Variants in SEC23B observed in about 807,000 individuals in gnomAD.
SEC23B encodes the protein SEC23 homolog B, COPII component, also known as protein transport protein Sec23B.
In SEC23B, 77 loss-of-function variants were observed where a neutral mutation model predicts 104.3. The observed-to-expected ratio is 0.74, with a 90% CI of 0.61 to 0.89. The LOEUF is 0.89. Among genes scored for constraint, SEC23B ranks in the 40% least tolerant of loss-of-function variants. The pLI is 0.00. For missense variants in SEC23B, 885 were observed against 949.4 expected (o/e 0.93, Z 0.89); for synonymous variants, 338 against 332.5 (o/e 1.02, Z -0.18).
chr20:18,535,979 A>C (rs1312809611), intron 12 of SEC23B, among the ~76,000 whole-genome samples: 1 of 152,238 alleles, frequency 6.6e-6, no homozygotes, highest in African/African-American at 2.4e-5. Context: ...TTAGAAGTGT[A>C]ATAGATTTTA....
At chr20:18,525,691 A>G in intron 6 of SEC23B, 97 bp from the exon 7 acceptor site, 1 of 1,319,162 alleles carries the variant, frequency 7.6e-7, no homozygotes, top group Non-Finnish European at 1.1e-6. Flanking sequence ...ACTACTCTGA[A>G]TAATTATCTT....
intron 4 of SEC23B, among the ~76,000 whole-genome samples, chr20:18,517,152 A>C (rs2060036897): frequency 6.6e-6 from 1 of 152,256 alleles, no homozygotes; most frequent in African/African-American, 2.4e-5. Context: ...AGAGACCACC[A>C]AACAGGCTTT....
At chr20:18,547,735 C>G (rs1406597939) in intron 15 of SEC23B, among the ~76,000 whole-genome samples, 2 of 152,132 alleles carry the variant, frequency 1.3e-5, no homozygotes, top group Non-Finnish European at 2.9e-5. Flanking sequence ...CCTCCACCCC[C>G]ACTCCCCACT....
chr20:18,515,996 C>T, intron 4 of SEC23B: 1 of 450,932 alleles, frequency 2.2e-6, no homozygotes, highest in South Asian at 2.1e-5. Flanking sequence ...GATGGTACTC[C>T]ATCATCTAGT....
intron 19 of SEC23B, among the ~76,000 whole-genome samples, chr20:18,559,244 T>C (rs1322820132): frequency 6.6e-6 from 1 of 152,090 alleles, no homozygotes; most frequent in African/African-American, 2.4e-5. Context: ...GAGACCGCTG[T>C]GGAGATGGCC....
chr20:18,520,260 T>G (rs920885416), intron 4 of SEC23B, among the ~76,000 whole-genome samples: 1 of 152,058 alleles, frequency 6.6e-6, no homozygotes, highest in Non-Finnish European at 1.5e-5. Flanking sequence ...GTAAGGAGAG[T>G]TTATAGGCTT....
chr20:18,521,419 A>G (rs2060082726), intron 4 of SEC23B, among the ~76,000 whole-genome samples: 1 of 152,162 alleles, frequency 6.6e-6, no homozygotes, highest in Non-Finnish European at 1.5e-5. Context: ...ACGGGCCATT[A>G]ACTGGGCTGG....
At chr20:18,525,750 A>G in intron 6 of SEC23B, 38 bp from the exon 7 acceptor site, 1 of 1,612,970 alleles carries the variant, frequency 6.2e-7, no homozygotes, top group Non-Finnish European at 8.5e-7. Flanking sequence ...AGAGTACTTT[A>G]TTCAATCTGG....
intron 15 of SEC23B, among the ~76,000 whole-genome samples, chr20:18,547,838 T>C (rs2122146196): frequency 6.6e-6 from 1 of 152,348 alleles, no homozygotes; most frequent in Admixed American, 6.5e-5. Context: ...CTCCACTGCC[T>C]GGCACAGTGA....
rs548605716 is a variant in SEC23B, at chr20:18,530,803, G to C, written c.1233G>C (p.Lys411Asn). 1.2e-6 allele frequency: 2 copies of C among 1,604,736 alleles called. No individual in the cohort carries two copies. Among genetic ancestry groups the C allele is most frequent in the Admixed American group, 3.4e-5 (2 of 59,198 alleles). The change falls in exon 10 of 20, where the codon AAG becomes AAC. Residue 411 changes from lysine to asparagine, a missense_variant and splice_region_variant. Lys to Asn is a moderately conservative substitution (Grantham distance 94, BLOSUM62 0). Transcript: ENST00000650089. ...RMAFGATLDV[K>N]TSRELKIAGA... ...CATTTGGTGCTACTTTGGACGTAAA[G>C]GTACGGTAAACTTTTTTTTTTTTTT...
At chr20:18,518,802 T>C (rs2060057360) in intron 4 of SEC23B, among the ~76,000 whole-genome samples, 1 of 152,028 alleles carries the variant, frequency 6.6e-6, no homozygotes, top group African/African-American at 2.4e-5. Context: ...TTGGTGGCCC[T>C]TGCAGTGTAT....
At chr20:18,542,203 CTG>C (rs1245910950) in intron 12 of SEC23B, 91 bp from the exon 13 acceptor site, 1 of 1,056,846 alleles carries the variant, frequency 9.5e-7, no homozygotes, top group African/African-American at 1.6e-5. Context: ...CCTGTCATTG[CTG>C]TGTCAGTCAT....
At chr20:18,547,215 T>C (rs1166635754) in intron 15 of SEC23B, among the ~76,000 whole-genome samples, 1 of 152,100 alleles carries the variant, frequency 6.6e-6, no homozygotes, top group Non-Finnish European at 1.5e-5. Flanking sequence ...GCTGTGACAC[T>C]CAGTAGTGGG....
rs193133747 is a variant in SEC23B at position 18,534,257 on chromosome 20, G to A, written c.1315-1396G>A. Among the ~76,000 whole-genome samples the A allele has an allele frequency of 1.7e-3, 252 of 152,162 alleles. 1 individual carries two copies. Among genetic ancestry groups the A allele is most frequent in the Non-Finnish European group, 2.5e-4 (17 of 68,012 alleles). ...AAAAATAACGATGTTCTCCTACCAC[G>A]ATGTCATTATCAAACTTAAGAAAAT... On this transcript the variant is annotated intron_variant, in intron 11 of 19. Transcript: ENST00000650089.
At position 18,561,137 on chromosome 20, in the gene SEC23B, T is replaced by C. The variant is rs1321363936; in HGVS notation, c.*397T>C. ...TGATTTCCTGAGGTCTCTGTGTGAG[T>C]GTGTATGTGTTTTAAGTGACTTCCT... On this transcript the variant is annotated 3_prime_UTR_variant, in exon 20 of 20. Coordinates refer to ENST00000650089, the MANE Select transcript of SEC23B (RefSeq NM_006363.6). 7.8e-5 allele frequency: 22 copies of C among 281,208 alleles called. No homozygotes were observed. The allele number at this position is 281,208 out of a possible 1,614,324, so 17.4% of individuals were successfully genotyped here.
At chr20:18,531,753 T>TA (rs2060190073) in intron 10 of SEC23B, among the ~76,000 whole-genome samples, 1 of 150,838 alleles carries the variant, frequency 6.6e-6, no homozygotes, top group Non-Finnish European at 1.5e-5. Flanking sequence ...GAGAAAGCAT[T>TA]AAAAGAGGGT....
At chr20:18,511,862 C>T (rs2059984724) in intron 2 of SEC23B, among the ~76,000 whole-genome samples, 1 of 151,928 alleles carries the variant, frequency 6.6e-6, no homozygotes, top group East Asian at 1.9e-4. Flanking sequence ...AGTAGTTTCA[C>T]ATAGCCGGAC....
At position 18,548,703 on chromosome 20, in the gene SEC23B, A is replaced by T. The variant is rs1156709428; in HGVS notation, c.1838A>T (p.Asp613Val). The T allele has an allele frequency of 1.2e-6, 2 of 1,614,058 alleles. No homozygotes were observed. Among genetic ancestry groups the T allele is most frequent in the Non-Finnish European group, 1.7e-6 (2 of 1,180,042 alleles). ...TACAGACATCATTTTGCCCGGCAGG[A>T]CCTGACCCAGTCCCTCATCATGATC... ...SYYRHHFARQ[D>V]LTQSLIMIQP... is the part of the protein sequence containing the mutation. Residue 613 changes from aspartate (D) to valine (V), a missense_variant, in exon 16 of 20, where the codon GAC (aspartate) becomes GTC (valine). Coordinates refer to ENST00000650089, the MANE Select transcript of SEC23B (RefSeq NM_006363.6).
rs1292783095 is a variant in SEC23B at position 18,551,112 on chromosome 20, C to T, written c.1929C>T (p.Ser643=). The T allele has an allele frequency of 1.2e-6, 2 of 1,606,918 alleles. No individual in the cohort carries two copies. Among genetic ancestry groups the T allele is most frequent in the African/African-American group, 2.7e-5 (2 of 74,852 alleles). The stretch of plus-strand genomic sequence containing the variant: ...AGCCAGTACTCTTGGATAGCAGCAG[C>T]ATTCTAGCTGACAGAATTTTGCTGA... ...PPEPVLLDSS[S]ILADRILLMD... The change falls in exon 17 of 20, where the codon AGC becomes AGT. Residue 643 remains serine, a synonymous_variant. Transcript: ENST00000650089.
Sources: gnomAD v4.1 joint callset for allele counts (sites outside exome capture counted in the v4.1 genomes callset) on GRCh38, gnomAD v4.1.1 for gene constraint, MANE v1.5 for transcripts, NCBI Gene and HGNC (gene_info 2026-07-23, HGNC 2026-07-21) for gene names.